DOCK3: variants seen among roughly 807,000 people sequenced by gnomAD.
DOCK3 encodes dedicator of cytokinesis 3, also known as dedicator of cytokinesis protein 3.
A neutral mutation model predicts 265.6 loss-of-function variants in DOCK3; 60 were observed. The observed-to-expected ratio is 0.23, with a 90% CI of 0.18 to 0.28. The LOEUF (loss-of-function observed/expected upper bound fraction) is 0.28, where lower values mean the gene tolerates loss of function less well. Ranked by LOEUF, DOCK3 falls within the 10% of genes least tolerant of loss-of-function variation. DOCK3 has a pLI of 1.00. For synonymous variants in DOCK3, 881 were observed against 938.0 expected (o/e 0.94, Z 1.11); for missense variants, 1,981 against 2,594.3 (o/e 0.76, Z 5.14).
At chr3:50,975,857 T>C (rs2077428778) in intron 5 of DOCK3, among the ~76,000 whole-genome samples, 1 of 151,210 alleles carries the variant, frequency 6.6e-6, no homozygotes, top group Admixed American at 6.6e-5. Context: ...AACTTCTTCC[T>C]GGTTTAGTCT....
At chr3:50,735,429 C>T (rs191602670) in intron 1 of DOCK3, among the ~76,000 whole-genome samples, 1 of 152,252 alleles carries the variant, frequency 6.6e-6, no homozygotes, top group Admixed American at 6.5e-5. Flanking sequence ...TAACCTCTGC[C>T]TCTTGGTATC....
chr3:50,822,100 A>G (rs183142066), intron 2 of DOCK3, among the ~76,000 whole-genome samples: 1 of 152,234 alleles, frequency 6.6e-6, no homozygotes. Context: ...GGGCAGTATG[A>G]CCATTTTAAC....
chr3:51,068,038 T>A (rs2081668884), intron 6 of DOCK3, among the ~76,000 whole-genome samples: 1 of 152,218 alleles, frequency 6.6e-6, no homozygotes, highest in Non-Finnish European at 1.5e-5. Context: ...GTTTTCCAAA[T>A]GTATTTTAAT....
intron 9 of DOCK3, among the ~76,000 whole-genome samples, chr3:51,135,099 A>G (rs1411035776): frequency 6.6e-6 from 1 of 152,204 alleles, no homozygotes; most frequent in Non-Finnish European, 1.5e-5. Flanking sequence ...ACTTTCAGAC[A>G]TGGGTTTTTA....
chr3:51,350,708 G>A (rs780372727), intron 40 of DOCK3, among the ~76,000 whole-genome samples: 1 of 152,150 alleles, frequency 6.6e-6, no homozygotes, highest in East Asian at 1.9e-4. Flanking sequence ...TGCCTCCAGT[G>A]CCTGGAACCT....
chr3:50,766,343 A>G (rs939212605), intron 1 of DOCK3, among the ~76,000 whole-genome samples: 1 of 139,756 alleles, frequency 7.2e-6, no homozygotes, highest in Non-Finnish European at 1.5e-5. Flanking sequence ...TCATTGTTCA[A>G]TACCCACCTA....
At chr3:51,104,642 G>C (rs1415871668) in intron 9 of DOCK3, among the ~76,000 whole-genome samples, 1 of 152,160 alleles carries the variant, frequency 6.6e-6, no homozygotes, top group African/African-American at 2.4e-5. Context: ...GACAATTATA[G>C]CTTTCTGCTT....
At chr3:50,790,650 C>T (rs1007870022) in intron 2 of DOCK3, among the ~76,000 whole-genome samples, 1 of 152,058 alleles carries the variant, frequency 6.6e-6, no homozygotes, top group African/African-American at 2.4e-5. Context: ...GGACCTCAAT[C>T]CCTTCAAGTT....
At chr3:51,081,874 C>T (rs1221656245) in intron 7 of DOCK3, among the ~76,000 whole-genome samples, 8 of 132,350 alleles carry the variant, frequency 6.0e-5, no homozygotes, top group African/African-American at 8.7e-5. Flanking sequence ...CTAGCCTGGG[C>T]GACAGAGCAA....
At chr3:51,065,789 C>T (rs942396690) in intron 6 of DOCK3, among the ~76,000 whole-genome samples, 1 of 151,992 alleles carries the variant, frequency 6.6e-6, no homozygotes, top group African/African-American at 2.4e-5. Context: ...TACCCATGTA[C>T]AAAAAAACTC....
chr3:51,175,490 A>C (rs563418174), intron 12 of DOCK3, among the ~76,000 whole-genome samples: 53 of 151,966 alleles, frequency 3.5e-4, no homozygotes, highest in Non-Finnish European at 6.6e-4. Flanking sequence ...GGGCAGAACT[A>C]TGCCTGGACT....
At chr3:51,153,818 A>T (rs1271888489) in intron 10 of DOCK3, among the ~76,000 whole-genome samples, 2 of 152,192 alleles carry the variant, frequency 1.3e-5, no homozygotes, top group South Asian at 4.1e-4. Flanking sequence ...TGATTTACTA[A>T]TTTGTTTTTA....
At chr3:50,677,824 T>TTA (rs1424840158) in intron 1 of DOCK3, among the ~76,000 whole-genome samples, 1 of 152,184 alleles carries the variant, frequency 6.6e-6, no homozygotes, top group Non-Finnish European at 1.5e-5. Context: ...TCTGTACAGG[T>TTA]TATAACATGA....
At chr3:50,703,203 A>G (rs1292255749) in intron 1 of DOCK3, among the ~76,000 whole-genome samples, 1 of 152,152 alleles carries the variant, frequency 6.6e-6, no homozygotes, top group Non-Finnish European at 1.5e-5. Context: ...CCACTTGATC[A>G]TGGTGTGTTA....
intron 22 of DOCK3, among the ~76,000 whole-genome samples, chr3:51,259,597 A>G (rs1289070808): frequency 6.6e-6 from 1 of 152,216 alleles, no homozygotes; most frequent in East Asian, 1.9e-4. Context: ...TACTGGATGT[A>G]TCAGGCCTAT....
chr3:51,360,403 C>A, intron 46 of DOCK3, 108 bp from the exon 47 acceptor site: 3 of 1,412,464 alleles, frequency 2.1e-6, no homozygotes, highest in East Asian at 2.5e-5. Context: ...CCATATGATT[C>A]TTTTTTGTTT....
intron 5 of DOCK3, among the ~76,000 whole-genome samples, chr3:50,969,832 G>C (rs374166420): frequency 6.6e-6 from 1 of 152,180 alleles, no homozygotes; most frequent in Admixed American, 6.5e-5. Context: ...AGCACTTTGG[G>C]AGGCCGAGGT....
chr3:50,962,385 G>A (rs1395175879), intron 5 of DOCK3, among the ~76,000 whole-genome samples: 4 of 152,116 alleles, frequency 2.6e-5, no homozygotes, highest in Admixed American at 6.5e-5. Context: ...TTATAGTAAT[G>A]CTTTTGACAT....
intron 24 of DOCK3, among the ~76,000 whole-genome samples, chr3:51,272,931 A>C (rs1162586039): frequency 1.3e-5 from 2 of 151,998 alleles, no homozygotes; most frequent in African/African-American, 4.8e-5. Context: ...TTGGGAGGCC[A>C]AGGTGTGTGG....
Sources: gnomAD v4.1 joint callset for allele counts (sites outside exome capture counted in the v4.1 genomes callset) on GRCh38, gnomAD v4.1.1 for gene constraint, MANE v1.5 for transcripts, NCBI Gene and HGNC (gene_info 2026-07-23, HGNC 2026-07-21) for gene names.